GPC6: variants seen among roughly 807,000 people sequenced by gnomAD.
GPC6 encodes the protein glypican-6.
Under a neutral mutation model 55.2 loss-of-function variants are expected in GPC6, and 14 were observed. The observed-to-expected ratio is 0.25, with a 90% CI of 0.17 to 0.40. The LOEUF (loss-of-function observed/expected upper bound fraction) is 0.40. Among genes scored for constraint, GPC6 ranks in the 10% least tolerant of loss-of-function variants. GPC6 has a pLI of 1.00. For missense variants in GPC6, 641 were observed against 708.5 expected (o/e 0.90, Z 1.08); for synonymous variants, 278 against 259.6 (o/e 1.07, Z -0.68).
intron 4 of GPC6, among the ~76,000 whole-genome samples, chr13:94,064,888 G>T (rs1884462034): frequency 6.6e-6 from 1 of 152,006 alleles, no homozygotes; most frequent in African/African-American, 2.4e-5. Context: ...CTTCTCAAAT[G>T]CTCTCATTCT....
chr13:93,476,666 T>G (rs1879312777), intron 1 of GPC6, among the ~76,000 whole-genome samples: 1 of 152,216 alleles, frequency 6.6e-6, no homozygotes, highest in African/African-American at 2.4e-5. Flanking sequence ...ATGTAAAAAG[T>G]AGAAGTAATT....
chr13:94,222,302 T>C (rs933097607), intron 4 of GPC6, among the ~76,000 whole-genome samples: 1 of 152,142 alleles, frequency 6.6e-6, no homozygotes, highest in Admixed American at 6.6e-5. Context: ...TCTAGATCTC[T>C]AAAACATTGG....
intron 2 of GPC6, among the ~76,000 whole-genome samples, chr13:93,680,263 C>T (rs1881799570): frequency 6.6e-6 from 1 of 152,058 alleles, no homozygotes; most frequent in African/African-American, 2.4e-5. Flanking sequence ...GAGAAGATGG[C>T]CATCTACAAG....
intron 2 of GPC6, among the ~76,000 whole-genome samples, chr13:93,610,947 A>T (rs1878435619): frequency 6.6e-6 from 1 of 152,158 alleles, no homozygotes; most frequent in South Asian, 2.1e-4. Flanking sequence ...GATAAGAGAT[A>T]TCAGAAATTT....
chr13:93,231,385 ATATATATATATG>A (rs1876035678), intron 1 of GPC6, among the ~76,000 whole-genome samples: 3 of 21,864 alleles, frequency 1.4e-4, no homozygotes, highest in African/African-American at 4.2e-4. Flanking sequence ...ATATACATAT[ATATATATATATG>A]TATATATATA....
chr13:94,303,834 A>G (rs1875797972), intron 5 of GPC6, among the ~76,000 whole-genome samples: 1 of 152,072 alleles, frequency 6.6e-6, no homozygotes, highest in African/African-American at 2.4e-5. Flanking sequence ...TCTCCCTAGA[A>G]CACTAATATT....
chr13:93,713,898 T>C (rs189968289), intron 2 of GPC6, among the ~76,000 whole-genome samples: 3 of 151,550 alleles, frequency 2.0e-5, no homozygotes, highest in Non-Finnish European at 1.5e-5. Context: ...AAGAATGAAA[T>C]TGGACCCATA....
chr13:93,392,469 C>T (rs924129340), intron 1 of GPC6, among the ~76,000 whole-genome samples: 6 of 152,144 alleles, frequency 3.9e-5, no homozygotes, highest in Non-Finnish European at 5.9e-5. Context: ...CCTTAATTAT[C>T]GATTTTCTAC....
At chr13:93,592,737 C>T (rs1404882258) in intron 2 of GPC6, among the ~76,000 whole-genome samples, 2 of 151,634 alleles carry the variant, frequency 1.3e-5, no homozygotes, top group African/African-American at 4.8e-5. Context: ...AAATTTGGGA[C>T]CAGAAATTCA....
chr13:93,307,303 C>T (rs529991783), intron 1 of GPC6, among the ~76,000 whole-genome samples: 89 of 152,022 alleles, frequency 5.9e-4, no homozygotes, highest in Non-Finnish European at 7.1e-4. Context: ...GAATCATGTA[C>T]TCTTATTGTT....
At chr13:93,677,375 A>G (rs1229952127) in intron 2 of GPC6, among the ~76,000 whole-genome samples, 1 of 152,172 alleles carries the variant, frequency 6.6e-6, no homozygotes, top group Non-Finnish European at 1.5e-5. Flanking sequence ...TATATTATTC[A>G]CCATTTATAA....
chr13:93,271,675 T>C (rs1269566657), intron 1 of GPC6, among the ~76,000 whole-genome samples: 6 of 152,204 alleles, frequency 3.9e-5, no homozygotes, highest in African/African-American at 1.2e-4. Flanking sequence ...TTTCTTGAGC[T>C]TGAGCAAATC....
chr13:93,686,217 C>A (rs558318721), intron 2 of GPC6, among the ~76,000 whole-genome samples: 2 of 151,938 alleles, frequency 1.3e-5, no homozygotes, highest in Admixed American at 6.6e-5. Context: ...ACCTTCAATG[C>A]GACATAATCA....
At chr13:93,394,943 C>T (rs1594139800) in intron 1 of GPC6, 1 of 199,898 alleles carries the variant, frequency 5.0e-6, no homozygotes, top group East Asian at 1.1e-4. Flanking sequence ...CCAAAGAACA[C>T]AAACTTAACA....
intron 2 of GPC6, among the ~76,000 whole-genome samples, chr13:93,700,004 T>G (rs1458143594): frequency 2.0e-5 from 3 of 152,020 alleles, no homozygotes; most frequent in African/African-American, 7.2e-5. Context: ...CAAACCTGAT[T>G]TAACCAGTTT....
chr13:93,470,340 A>G (rs1168816506), intron 1 of GPC6, among the ~76,000 whole-genome samples: 1 of 152,080 alleles, frequency 6.6e-6, no homozygotes, highest in Non-Finnish European at 1.5e-5. Flanking sequence ...ATGAACATTA[A>G]CTTCTTCATA....
intron 1 of GPC6, among the ~76,000 whole-genome samples, chr13:93,254,565 A>AT (rs1246655720): frequency 6.6e-6 from 1 of 152,148 alleles, no homozygotes; most frequent in South Asian, 2.1e-4. Context: ...ACAAGTTGGC[A>AT]TTTTTTTGTG....
At chr13:94,282,789 G>T (rs79024976) in intron 4 of GPC6, among the ~76,000 whole-genome samples, 1 of 152,216 alleles carries the variant, frequency 6.6e-6, no homozygotes, top group African/African-American at 2.4e-5. Context: ...TCTTGTAAGA[G>T]ACAGAAAGTG....
chr13:93,574,034 G>A (rs954225951), intron 2 of GPC6, among the ~76,000 whole-genome samples: 3 of 152,062 alleles, frequency 2.0e-5, no homozygotes, highest in Admixed American at 6.5e-5. Context: ...GTTTTTTAAT[G>A]GCATATGTTC....
Sources: allele counts gnomAD v4.1 joint callset (sites outside exome capture counted in the v4.1 genomes callset), GRCh38; gene constraint gnomAD v4.1.1; transcripts MANE v1.5; gene names NCBI Gene and HGNC (gene_info 2026-07-23, HGNC 2026-07-21).